Variants in ARHGAP20 observed in about 807,000 individuals in gnomAD.
The protein encoded by ARHGAP20 is rho GTPase-activating protein 20.
Under a neutral mutation model 73.7 loss-of-function variants are expected in ARHGAP20, and 34 were observed. The ratio of observed to expected loss-of-function variants is 0.46; its 90% CI spans 0.35 to 0.61. The LOEUF (loss-of-function observed/expected upper bound fraction) is 0.61. Ranked by LOEUF, ARHGAP20 falls within the 20% of genes least tolerant of loss-of-function variation. ARHGAP20 has a pLI of 0.00. For missense variants in ARHGAP20, 1,314 were observed against 1,420.9 expected (o/e 0.92, Z 1.21); for synonymous variants, 523 against 518.2 (o/e 1.01, Z -0.13).
In ARHGAP20 at chr11:110,580,548, C is replaced by T; in HGVS notation, c.2398G>A (p.Ala800Thr). ...VKLFPKSKPV[A>T]ISVASYSPMS... ...GGACTATAAGATGCCACAGAAATGG[C>T]CACTGGCTTAGACTTAGGGAAAAGT... The change falls in exon 15 of 15, where the codon GCC (alanine) becomes ACC (threonine). Residue 800 changes from alanine (A) to threonine (T), a missense_variant. Around this residue, in one of 3 missense-constraint regions of ARHGAP20, gnomAD observed 641 missense variants for 636.9 expected, o/e 1.01. Transcript: ENST00000683387. 1 of 1,614,188 alleles carries T rather than the reference C, an allele frequency of 6.2e-7. No homozygotes were observed. Among genetic ancestry groups the T allele is most frequent in the Non-Finnish European group, 8.5e-7 (1 of 1,180,024 alleles).
At chr11:110,686,157 T>A (rs990026301) in intron 2 of ARHGAP20, among the ~76,000 whole-genome samples, 8 of 152,134 alleles carry the variant, frequency 5.3e-5, no homozygotes, top group African/African-American at 1.7e-4. Context: ...ACTATAGGAT[T>A]TATTTAAAAC....
At chr11:110,623,957 C>A (rs770985395) in intron 4 of ARHGAP20, among the ~76,000 whole-genome samples, 16 of 152,054 alleles carry the variant, frequency 1.1e-4, no homozygotes, top group Non-Finnish European at 1.5e-4. Flanking sequence ...AATCAAAAGC[C>A]CATTGGGAGA....
intron 2 of ARHGAP20, among the ~76,000 whole-genome samples, chr11:110,665,773 C>G (rs1455457916): frequency 2.0e-5 from 3 of 152,068 alleles, no homozygotes; most frequent in Non-Finnish European, 4.4e-5. Flanking sequence ...GGGAAAATAG[C>G]CACTAGGAAA....
intron 4 of ARHGAP20, among the ~76,000 whole-genome samples, chr11:110,616,825 T>G (rs1948495124): frequency 6.6e-6 from 1 of 152,178 alleles, no homozygotes; most frequent in African/African-American, 2.4e-5. Context: ...CAAAAATCTG[T>G]TGAGAAACAG....
chr11:110,592,101 C>A lies in ARHGAP20; in HGVS notation c.1019G>T (p.Trp340Leu). The A allele has an allele frequency of 6.2e-7, 1 of 1,614,168 alleles. No individual in the cohort carries two copies. Among genetic ancestry groups the A allele is most frequent in the Non-Finnish European group, 8.5e-7 (1 of 1,180,002 alleles). ...GTCCAGGTGAGTGCTAGAACCTCGC[C>A]AGAAGGCCCAGTTTATGATAGATCT... The part of the protein sequence containing the change: ...RRRSIINWAF[W>L]RGSSTHLDNL... Residue 340 changes from tryptophan (W) to leucine (L), a missense_variant, in exon 10 of 15, where the codon TGG becomes TTG. Trp to Leu is a moderately conservative substitution (Grantham distance 61, BLOSUM62 -2). This residue lies in a region of ARHGAP20 where 443 missense variants were observed against 466.4 expected (regional missense o/e 0.95). Transcript: ENST00000683387.
chr11:110,701,817 C>T (rs1452017932), intron 1 of ARHGAP20, among the ~76,000 whole-genome samples: 1 of 151,876 alleles, frequency 6.6e-6, no homozygotes. Flanking sequence ...CCAGTTTTCC[C>T]AGCACCATTT....
At chr11:110,620,842 C>T (rs992988125) in intron 4 of ARHGAP20, among the ~76,000 whole-genome samples, 8 of 152,000 alleles carry the variant, frequency 5.3e-5, no homozygotes, top group African/African-American at 1.7e-4. Context: ...GAGGCTGAGG[C>T]AGGCAGATCA....
chr11:110,628,421 G>A lies in ARHGAP20; in HGVS notation c.353+2207C>T, dbSNP rs536304731. On this transcript the variant is annotated intron_variant, in intron 3 of 14. Transcript: ENST00000683387. ...AAATTAAGTTCTTTCATATTAAGAA[G>A]GATCTGTGAATATAACTAACTAACT... Among the ~76,000 whole-genome samples the A allele has an allele frequency of 2.0e-5, 3 of 152,166 alleles. No individual in the cohort carries two copies. The South Asian group carries it at 6.2e-4, about 32-fold the overall frequency.
At chr11:110,670,714 C>T (rs969543998) in intron 2 of ARHGAP20, among the ~76,000 whole-genome samples, 1 of 151,956 alleles carries the variant, frequency 6.6e-6, no homozygotes, top group African/African-American at 2.4e-5. Context: ...TATACCAAAA[C>T]CAGACAAGAT....
intron 2 of ARHGAP20, among the ~76,000 whole-genome samples, chr11:110,660,913 A>G (rs2135042815): frequency 6.6e-6 from 1 of 152,314 alleles, no homozygotes; most frequent in South Asian, 2.1e-4. Context: ...AACCTTAGGC[A>G]TCCAATCTCT....
At position 110,712,293 on chromosome 11, in the gene ARHGAP20, G is replaced by C; in HGVS notation, c.-62C>G. 6 of 1,238,404 alleles carry C rather than the reference G, an allele frequency of 4.8e-6. No individual in the cohort carries two copies. The highest frequency in any genetic ancestry group is 6.2e-6 in the Non-Finnish European group (6 of 974,540). 76.7% of individuals were successfully genotyped at this position (1,238,404 alleles called of 1,614,324 possible). A position where few individuals can be genotyped will look rare whatever the true frequency, so the allele number is the denominator to read the frequency against. On this transcript the variant is annotated 5_prime_UTR_variant, in exon 1 of 15. Transcript: ENST00000683387. ...GGCTACACGATCATGTCCGCGGGCT[G>C]CCGGCCGGAGGGGCGAGGACGCGCG... is the stretch of plus-strand genomic sequence containing the variant.
In ARHGAP20 at chr11:110,577,594, T is replaced by G. The variant is rs1947321247; in HGVS notation, c.*1776A>C. 1 of 986,494 alleles carries G rather than the reference T, an allele frequency of 1.0e-6. No homozygotes were observed. Among genetic ancestry groups the G allele is most frequent in the African/African-American group, 1.7e-5 (1 of 57,244 alleles). 61.1% of individuals were successfully genotyped at this position (986,494 alleles called of 1,614,324 possible). A position where few individuals can be genotyped will look rare whatever the true frequency, so the allele number is the denominator to read the frequency against. On this transcript the variant is annotated 3_prime_UTR_variant, in exon 15 of 15. Coordinates refer to ENST00000683387, the MANE Select transcript of ARHGAP20 (RefSeq NM_001384657.1). ...AGGGAAAGGGGAGTCCCTGCTGACT[T>G]TATATATTATACCAAAAAAGATGCA... is the stretch of plus-strand genomic sequence containing the variant.
intron 2 of ARHGAP20, among the ~76,000 whole-genome samples, chr11:110,686,253 C>T (rs1295722330): frequency 2.6e-5 from 4 of 151,770 alleles, no homozygotes; most frequent in Admixed American, 6.6e-5. Context: ...AATTCAAAGA[C>T]TTTCTTGAAT....
intron 2 of ARHGAP20, among the ~76,000 whole-genome samples, chr11:110,670,630 C>T (rs541457449): frequency 1.3e-5 from 2 of 152,152 alleles, no homozygotes; most frequent in African/African-American, 2.4e-5. Flanking sequence ...TTCTACCCAA[C>T]ATTTTAGGAA....
chr11:110,580,935 G>A lies in ARHGAP20; in HGVS notation c.2011C>T (p.Arg671Trp), dbSNP rs369212996. ...NILVYTKIPL[R>W]DHARAPSAMC... ...GCAGATGGGGCCCTGGCATGATCCC[G>A]CAGTGGGATCTTTGTGTACACTAAA... Residue 671 changes from arginine (R) to tryptophan (W), a missense_variant, in exon 15 of 15, where the codon CGG (arginine) becomes TGG (tryptophan). Arg to Trp is a moderately radical substitution (Grantham distance 101). Around this residue, in one of 3 missense-constraint regions of ARHGAP20, gnomAD observed 641 missense variants for 636.9 expected, o/e 1.01. Coordinates refer to ENST00000683387, the MANE Select transcript of ARHGAP20 (RefSeq NM_001384657.1). 3.0e-5 allele frequency: 48 copies of A among 1,613,948 alleles called. No homozygotes were observed. Among genetic ancestry groups the A allele is most frequent in the African/African-American group, 2.3e-4 (17 of 74,926 alleles).
intron 12 of ARHGAP20, 151 bp downstream of exon 12, chr11:110,586,065 A>T: frequency 4.9e-6 from 2 of 408,222 alleles, no homozygotes; most frequent in Non-Finnish European, 4.3e-6. Context: ...CAACTATAAG[A>T]TTAAGAAGGA....
chr11:110,630,828 A>G (rs371837452), intron 2 of ARHGAP20, 36 bp from the exon 3 acceptor site: 68 of 1,599,392 alleles, frequency 4.3e-5, no homozygotes, highest in Non-Finnish European at 5.2e-5. Context: ...CAGTCAAACG[A>G]TCATCTTATA....
intron 2 of ARHGAP20, among the ~76,000 whole-genome samples, chr11:110,637,530 A>T (rs1313699600): frequency 6.6e-6 from 1 of 152,076 alleles, no homozygotes; most frequent in Non-Finnish European, 1.5e-5. Flanking sequence ...TATATCGTAA[A>T]TATTCTCATT....
intron 2 of ARHGAP20, among the ~76,000 whole-genome samples, chr11:110,685,852 T>C (rs962132210): frequency 6.6e-6 from 1 of 152,178 alleles, no homozygotes; most frequent in Non-Finnish European, 1.5e-5. Flanking sequence ...CTTTGCTGTC[T>C]GCCCAAACAC....
Sources: gnomAD v4.1 joint callset for allele counts (sites outside exome capture counted in the v4.1 genomes callset) on GRCh38, gnomAD v4.1.1 for gene constraint, gnomAD v4.1.1 regional missense constraint, MANE v1.5 for transcripts, NCBI Gene and HGNC (gene_info 2026-07-23, HGNC 2026-07-21) for gene names.